FRY: variants seen among roughly 807,000 people sequenced by gnomAD.
FRY encodes the protein protein furry homolog.
A neutral mutation model predicts 348.4 loss-of-function variants in FRY; 128 were observed. The observed-to-expected ratio is 0.37, with a 90% CI of 0.32 to 0.43. FRY has a LOEUF of 0.43. Ranked by LOEUF, FRY falls within the 20% of genes least tolerant of loss-of-function variation. The probability of loss-of-function intolerance (pLI) is 1.00; values close to 1 mark genes in which losing one functional copy is unlikely to be tolerated. For missense variants in FRY, 2,736 were observed against 3,695.2 expected, an observed-to-expected ratio of 0.74 and a Z score of 6.73; for synonymous variants, 1,370 against 1,374.7, an observed-to-expected ratio of 1.00 and a Z score of 0.08.
intron 2 of FRY, among the ~76,000 whole-genome samples, chr13:32,093,066 A>G (rs1416654458): frequency 1.3e-5 from 2 of 152,204 alleles, no homozygotes; most frequent in African/African-American, 2.4e-5. Flanking sequence ...ATCTTCAACA[A>G]TTATCAACTC....
At chr13:32,046,608 T>A (rs568936793) in intron 1 of FRY, among the ~76,000 whole-genome samples, 1 of 152,296 alleles carries the variant, frequency 6.6e-6, no homozygotes, top group South Asian at 2.1e-4. Context: ...CAGAGGAAAA[T>A]GATGCAACAC....
At chr13:32,084,580 C>G (rs759414916) in intron 2 of FRY, among the ~76,000 whole-genome samples, 1 of 152,188 alleles carries the variant, frequency 6.6e-6, no homozygotes, top group East Asian at 1.9e-4. Flanking sequence ...ACAACTTATA[C>G]GTATCTGCAA....
At chr13:32,092,088 C>T (rs781077029) in intron 2 of FRY, among the ~76,000 whole-genome samples, 4 of 152,172 alleles carry the variant, frequency 2.6e-5, no homozygotes, top group African/African-American at 4.8e-5. Context: ...GTCACCACAA[C>T]GCAGTATATC....
intron 14 of FRY, among the ~76,000 whole-genome samples, chr13:32,154,574 G>A (rs1302600826): frequency 6.6e-6 from 1 of 152,144 alleles, no homozygotes; most frequent in Non-Finnish European, 1.5e-5. Flanking sequence ...TGTAAAGTGG[G>A]AATACCTTCC....
intron 35 of FRY, among the ~76,000 whole-genome samples, chr13:32,215,644 A>T (rs1884947468): frequency 6.6e-6 from 1 of 152,236 alleles, no homozygotes; most frequent in African/African-American, 2.4e-5. Flanking sequence ...ATCACAGCTT[A>T]CTGCGGGCTC....
rs773775423 is a variant in FRY at position 32,175,669 on chromosome 13, AAGCTCTGG to A, written c.2421+39_2421+46del. On this transcript the variant is annotated intron_variant, in intron 20 of 60. Coordinates refer to ENST00000542859, the MANE Select transcript of FRY (RefSeq NM_023037.3). Reference sequence around the variant, plus strand: ...TTTGATTCCAATTAATGGCTCTTAAAAGCTCTGGACCTATCTAAAATAGTCAGTGAAAA... The same window carrying A: ...TTTGATTCCAATTAATGGCTCTTAAAACCTATCTAAAATAGTCAGTGAAAA... 3.9e-4 allele frequency: 457 copies of A among 1,169,424 alleles called. 9 individuals are homozygous for A. In the East Asian group the frequency reaches 0.011, roughly 27 times the overall value. The allele number at this position is 1,169,424 out of a possible 1,614,324, so 72.4% of individuals were successfully genotyped here. A position where few individuals can be genotyped will look rare whatever the true frequency, so the allele number is the denominator to read the frequency against.
At chr13:32,233,298 G>A (rs1004128556) in intron 41 of FRY, among the ~76,000 whole-genome samples, 2 of 152,204 alleles carry the variant, frequency 1.3e-5, no homozygotes, top group African/African-American at 2.4e-5. Context: ...CAAATGTGCT[G>A]CAGAGCCTCT....
intron 2 of FRY, among the ~76,000 whole-genome samples, chr13:32,090,828 G>T (rs1876248770): frequency 1.3e-5 from 2 of 151,712 alleles, no homozygotes; most frequent in African/African-American, 4.8e-5. Context: ...TCAAATAATG[G>T]ATTTGTACTT....
Position 32,194,124 on chromosome 13 carries a change from A to G in FRY, c.3592-19A>G. On this transcript the variant is annotated intron_variant, in intron 28 of 60. Coordinates refer to ENST00000542859, the MANE Select transcript of FRY (RefSeq NM_023037.3). ...CTTTCATCAAATGGGAATAATATTG[A>G]TTTGCTCCATGTATTCAGGTTCATC... is the stretch of plus-strand genomic sequence containing the variant. 3 of 1,608,184 alleles carry G rather than the reference A, an allele frequency of 1.9e-6. No individual in the cohort carries two copies. Among genetic ancestry groups the G allele is most frequent in the Non-Finnish European group, 2.6e-6 (3 of 1,174,630 alleles).
rs751696083 is a variant in FRY at position 32,237,903 on chromosome 13, C to G, written c.6335C>G (p.Thr2112Ser). ...CTGCTGAAAGGATTCACATCCCTCA[C>G]CACCACAGACCTGACCCTGCAGCTC... ...QLLLKGFTSL[T>S]TTDLTLQLFS... Residue 2112 changes from threonine to serine, a missense_variant, in exon 44 of 61, where the codon ACC (threonine) becomes AGC (serine). Physicochemically the swap from Thr to Ser is moderately conservative, Grantham distance 58. Around this residue, in one of 9 missense-constraint regions of FRY, gnomAD observed 789 missense variants for 996.2 expected, o/e 0.79. Transcript: ENST00000542859. The surrounding 1 kb of genome is among the most constrained non-coding windows in gnomAD (Gnocchi z 6.3). 1 of 1,614,158 alleles carries G rather than the reference C, an allele frequency of 6.2e-7. No homozygotes were observed. The highest frequency in any genetic ancestry group is 1.1e-5 in the South Asian group (1 of 91,086).
rs1463297947 is a variant in FRY at position 32,194,128 on chromosome 13, G to A, written c.3592-15G>A. ...CATCAAATGGGAATAATATTGATTTGCTCCATGTATTCAGGTTCATCAACT... is the reference window on the plus strand; with the variant it reads ...CATCAAATGGGAATAATATTGATTTACTCCATGTATTCAGGTTCATCAACT... On this transcript the variant is annotated splice_polypyrimidine_tract_variant and intron_variant, in intron 28 of 60. Transcript: ENST00000542859. 6.2e-7 allele frequency: 1 copy of A among 1,608,736 alleles called. No homozygotes were observed. The highest frequency in any genetic ancestry group is 1.7e-5 in the Admixed American group (1 of 59,994).
In FRY at chr13:32,286,473, C is replaced by T. The variant is rs139135501; in HGVS notation, c.8470-3160C>T. On this transcript the variant is annotated intron_variant, in intron 58 of 60. Transcript: ENST00000542859. The stretch of plus-strand genomic sequence containing the variant: ...CAAAAAATGGTAGCTGCTGGCTGGG[C>T]GCGGTGGCTCAGGCATGTAATCCCA... Among the ~76,000 whole-genome samples, 464 of 152,026 alleles carry T rather than the reference C, an allele frequency of 3.1e-3. 1 individual carries two copies. Among genetic ancestry groups the T allele is most frequent in the African/African-American group, 9.8e-3 (408 of 41,476 alleles).
chr13:32,135,529 C>T (rs1593653569), intron 10 of FRY, among the ~76,000 whole-genome samples: 1 of 152,064 alleles, frequency 6.6e-6, no homozygotes, highest in South Asian at 2.1e-4. Flanking sequence ...CTTCTCAATC[C>T]CCAGGAGCCT....
At chr13:32,191,950 A>G (rs992968909) in intron 28 of FRY, among the ~76,000 whole-genome samples, 3 of 152,214 alleles carry the variant, frequency 2.0e-5, no homozygotes, top group African/African-American at 7.2e-5. Flanking sequence ...GCCACAGGAG[A>G]CAAAATTATA....
chr13:32,216,140 T>C (rs1884978746), intron 35 of FRY, among the ~76,000 whole-genome samples: 3 of 152,196 alleles, frequency 2.0e-5, no homozygotes, highest in African/African-American at 7.2e-5. Context: ...TTTTCTCTTA[T>C]CAGAGCTATT....
In FRY at chr13:32,096,326, TA is replaced by T. The variant is rs11284488; in HGVS notation, c.271-5636del. ...ACCCTGATAACTTCCAACTGTGTAC[TA>T]GGGGTATGGAGGAGACAGACAAGTT... On this transcript the variant is annotated intron_variant, in intron 2 of 60. Coordinates refer to ENST00000542859, the MANE Select transcript of FRY (RefSeq NM_023037.3). 9.0e-3 allele frequency among the ~76,000 whole-genome samples: 1,365 copies of T among 152,102 alleles called. 19 individuals are homozygous for T. Among genetic ancestry groups the T allele is most frequent in the African/African-American group, 0.03 (1,250 of 41,478 alleles).
chr13:32,083,936 C>T (rs927028616), intron 2 of FRY, among the ~76,000 whole-genome samples: 1 of 152,150 alleles, frequency 6.6e-6, no homozygotes, highest in African/African-American at 2.4e-5. Context: ...GATAATGAAA[C>T]AAACAGTCCT....
intron 2 of FRY, among the ~76,000 whole-genome samples, chr13:32,086,610 G>C (rs1180325368): frequency 6.6e-6 from 1 of 152,076 alleles, no homozygotes; most frequent in Non-Finnish European, 1.5e-5. Context: ...TAGTCTATCA[G>C]CATAAAATGT....
intron 28 of FRY, among the ~76,000 whole-genome samples, chr13:32,188,353 AT>A (rs1422571205): frequency 6.6e-6 from 1 of 152,030 alleles, no homozygotes; most frequent in Non-Finnish European, 1.5e-5. Flanking sequence ...ACTTTTAGAG[AT>A]TTTTTTAAGA....
Sources: allele counts gnomAD v4.1 joint callset (sites outside exome capture counted in the v4.1 genomes callset), GRCh38; gene constraint gnomAD v4.1.1; regional missense constraint gnomAD v4.1.1; non-coding constraint Gnocchi (gnomAD v3.1); transcripts MANE v1.5; gene names NCBI Gene and HGNC (gene_info 2026-07-23, HGNC 2026-07-21).